The following ARID1B variants were observed in gnomAD, a reference collection of about 807,000 sequenced individuals.
ARID1B encodes the protein AT-rich interaction domain 1B.
A neutral mutation model predicts 212.3 loss-of-function variants in ARID1B; 30 were observed. The ratio of observed to expected loss-of-function variants is 0.14; its 90% CI spans 0.11 to 0.19. The LOEUF is 0.19. Ranked by LOEUF, ARID1B falls within the 10% of genes least tolerant of loss-of-function variation. ARID1B has a pLI of 1.00. For synonymous variants in ARID1B, 1,402 were observed against 1,301.7 expected, an observed-to-expected ratio of 1.08 and a Z score of -1.66; for missense variants, 2,891 against 3,204.0, an observed-to-expected ratio of 0.90 and a Z score of 2.36.
intron 8 of ARID1B, among the ~76,000 whole-genome samples, chr6:157,158,499 T>C (rs1337952397): frequency 6.6e-6 from 1 of 152,224 alleles, no homozygotes; most frequent in Non-Finnish European, 1.5e-5. Flanking sequence ...GAGAGTTAGA[T>C]AGAACGCATG....
intron 4 of ARID1B, among the ~76,000 whole-genome samples, chr6:156,975,556 CAA>C (rs1252510772): frequency 6.8e-6 from 1 of 146,332 alleles, no homozygotes; most frequent in African/African-American, 2.5e-5. Flanking sequence ...GCCTCATTTT[CAA>C]AAGACATTTT....
chr6:156,830,756 TA>T (rs1028752610), intron 2 of ARID1B, among the ~76,000 whole-genome samples: 28 of 146,214 alleles, frequency 1.9e-4, no homozygotes, highest in Admixed American at 2.7e-4. Context: ...ATCGAGACCC[TA>T]AAAAAAAAAG....
At chr6:156,968,037 A>C (rs1359674614) in intron 4 of ARID1B, among the ~76,000 whole-genome samples, 1 of 152,062 alleles carries the variant, frequency 6.6e-6, no homozygotes, top group Non-Finnish European at 1.5e-5. Context: ...GTCACACGTG[A>C]CCTTTCCCGG....
intron 10 of ARID1B, chr6:157,174,319 G>A: frequency 2.0e-6 from 1 of 512,260 alleles, no homozygotes; most frequent in South Asian, 2.7e-5. Flanking sequence ...AGTTCTTATG[G>A]CATTAACTCA....
At chr6:157,050,603 T>A (rs1454064885) in intron 4 of ARID1B, among the ~76,000 whole-genome samples, 1 of 152,168 alleles carries the variant, frequency 6.6e-6, no homozygotes, top group Admixed American at 6.5e-5. Context: ...ATCCTGAGTT[T>A]TATGATGCAG....
At chr6:156,776,794 C>A (rs915902920), upstream of ARID1B, 6 of 152,206 alleles carry the variant, frequency 3.9e-5, no homozygotes, top group Non-Finnish European at 5.9e-5. Flanking sequence ...TGAGTACCTA[C>A]TGGGTACAGG....
intron 2 of ARID1B, among the ~76,000 whole-genome samples, chr6:156,848,744 G>A (rs1784391600): frequency 6.6e-6 from 1 of 152,224 alleles, no homozygotes; most frequent in Non-Finnish European, 1.5e-5. Flanking sequence ...GTCTGGCCTG[G>A]GAATGGAGCT....
intron 8 of ARID1B, among the ~76,000 whole-genome samples, chr6:157,156,875 A>G (rs1790610754): frequency 6.6e-6 from 1 of 152,208 alleles, no homozygotes; most frequent in Non-Finnish European, 1.5e-5. Flanking sequence ...CCTGAGGGAC[A>G]TCACGTGAGG....
intron 4 of ARID1B, among the ~76,000 whole-genome samples, chr6:157,013,920 G>A (rs1350141058): frequency 6.6e-6 from 1 of 152,162 alleles, no homozygotes; most frequent in Non-Finnish European, 1.5e-5. Flanking sequence ...TCAGTGCCTT[G>A]ACTTTGTACA....
At chr6:156,949,982 A>C (rs749733741) in intron 4 of ARID1B, among the ~76,000 whole-genome samples, 1 of 152,242 alleles carries the variant, frequency 6.6e-6, no homozygotes, top group African/African-American at 2.4e-5. Context: ...AATTATTTCT[A>C]ACTCCTTAGG....
chr6:156,854,035 T>G (rs1657737147), intron 2 of ARID1B, among the ~76,000 whole-genome samples: 2 of 152,206 alleles, frequency 1.3e-5, no homozygotes, highest in Admixed American at 1.3e-4. Context: ...TGCCCAGCCC[T>G]CCATAAATTT....
chr6:157,022,124 C>G (rs1203792933), intron 4 of ARID1B, among the ~76,000 whole-genome samples: 1 of 151,624 alleles, frequency 6.6e-6, no homozygotes, highest in African/African-American at 2.4e-5. Flanking sequence ...GCCCAGGCCG[C>G]CAAGAACAGG....
At chr6:156,964,008 C>T (rs1268783007) in intron 4 of ARID1B, among the ~76,000 whole-genome samples, 1 of 152,224 alleles carries the variant, frequency 6.6e-6, no homozygotes, top group Non-Finnish European at 1.5e-5. Flanking sequence ...AATTCTTCTC[C>T]ACTGCTCGTT....
chr6:157,156,797 G>T (rs1310083579), intron 8 of ARID1B, among the ~76,000 whole-genome samples: 1 of 152,196 alleles, frequency 6.6e-6, no homozygotes, highest in Non-Finnish European at 1.5e-5. Flanking sequence ...CCACTGCAGA[G>T]CACGGAGGCA....
At chr6:156,856,700 T>TCTCTCTCACA (rs1168465535) in intron 2 of ARID1B, among the ~76,000 whole-genome samples, 18 of 114,730 alleles carry the variant, frequency 1.6e-4, no homozygotes, top group African/African-American at 5.8e-4. Flanking sequence ...TCTCTCTCTC[T>TCTCTCTCACA]CACACACACA....
At chr6:156,966,240 C>T (rs373997605) in intron 4 of ARID1B, among the ~76,000 whole-genome samples, 6 of 152,194 alleles carry the variant, frequency 3.9e-5, no homozygotes, top group Middle Eastern at 3.4e-3. Flanking sequence ...AATGGTATAT[C>T]GCAGTCCTCA....
At chr6:156,844,493 G>A (rs919616175) in intron 2 of ARID1B, among the ~76,000 whole-genome samples, 2 of 152,204 alleles carry the variant, frequency 1.3e-5, no homozygotes, top group African/African-American at 4.8e-5. Flanking sequence ...TGGCAGTTAA[G>A]TTTATATATA....
chr6:156,888,451 T>C (rs1036746995), intron 2 of ARID1B, among the ~76,000 whole-genome samples: 2 of 152,354 alleles, frequency 1.3e-5, no homozygotes, highest in African/African-American at 4.8e-5. Flanking sequence ...TGTGAAGTAC[T>C]GTTAGACTGT....
intron 1 of ARID1B, among the ~76,000 whole-genome samples, chr6:156,822,121 G>A (rs188099256): frequency 6.6e-6 from 1 of 152,210 alleles, no homozygotes; most frequent in African/African-American, 2.4e-5. Flanking sequence ...TGAGATTACA[G>A]GTGTGAGCTA....
Sources: gnomAD v4.1 joint callset for allele counts (sites outside exome capture counted in the v4.1 genomes callset) on GRCh38, gnomAD v4.1.1 for gene constraint, MANE v1.5 for transcripts, NCBI Gene and HGNC (gene_info 2026-07-23, HGNC 2026-07-21) for gene names.